The following PRH1 variants were observed in gnomAD, a reference collection of about 807,000 sequenced individuals.
PRH1 encodes the protein salivary acidic proline-rich phosphoprotein 1/2.
A neutral mutation model predicts 7.9 loss-of-function variants in PRH1; 7 were observed. That is an observed-to-expected ratio of 0.89 (90% CI 0.50 to 1.67). The LOEUF (loss-of-function observed/expected upper bound fraction) is 1.67, where lower values mean the gene tolerates loss of function less well. Ranked by LOEUF, PRH1 falls within the 40% of genes most tolerant of loss-of-function variation. The probability of loss-of-function intolerance (pLI) is 0.00; values close to 1 mark genes in which losing one functional copy is unlikely to be tolerated. For missense variants in PRH1, 109 were observed against 223.6 expected, an observed-to-expected ratio of 0.49 and a Z score of 3.27; for synonymous variants, 45 against 80.8, an observed-to-expected ratio of 0.56 and a Z score of 2.38.
chr12:11,093,709 G>A (rs767012805), intron 1 of PRH1, among the ~76,000 whole-genome samples: 1 of 114,924 alleles, frequency 8.7e-6, no homozygotes, highest in Admixed American at 8.8e-5. Context: ...CCTTACCCCT[G>A]AACTTGGAAT....
intron 1 of PRH1, chr12:11,133,157 A>T: frequency 8.6e-7 from 1 of 1,156,638 alleles, no homozygotes; most frequent in Non-Finnish European, 1.2e-6. Context: ...ATATATATGT[A>T]CTTTTCTAGA....
At chr12:11,068,358 GA>G (rs1467320465) in intron 1 of PRH1, among the ~76,000 whole-genome samples, 1 of 152,092 alleles carries the variant, frequency 6.6e-6, no homozygotes, top group South Asian at 2.1e-4. Context: ...TTTCCATCTT[GA>G]TAATTCCTCT....
intron 1 of PRH1, among the ~76,000 whole-genome samples, chr12:11,001,325 CTTTT>C (rs913783457): frequency 1.3e-5 from 2 of 152,074 alleles, no homozygotes; most frequent in Non-Finnish European, 1.5e-5. Context: ...AAATTTTACT[CTTTT>C]TTTATTAGCA....
chr12:11,141,017 C>T (rs753030292), intron 1 of PRH1, among the ~76,000 whole-genome samples: 1 of 151,906 alleles, frequency 6.6e-6, no homozygotes, highest in Non-Finnish European at 1.5e-5. Flanking sequence ...ACTTGTATAA[C>T]TTATTGTTAA....
chr12:10,962,725 G>C (rs780860569), intron 2 of PRH1, among the ~76,000 whole-genome samples: 2 of 152,096 alleles, frequency 1.3e-5, no homozygotes, highest in Non-Finnish European at 2.9e-5. Context: ...GATCTTTTAG[G>C]TCCTGGCAGT....
intron 1 of PRH1, among the ~76,000 whole-genome samples, chr12:11,096,646 T>G (rs1945075035): frequency 8.6e-6 from 1 of 115,616 alleles, no homozygotes; most frequent in Non-Finnish European, 2.0e-5. Context: ...GTAGCTTATC[T>G]GTTGCTGGGT....
chr12:10,950,193 T>C (rs1315776166), intron 2 of PRH1, among the ~76,000 whole-genome samples: 3 of 152,142 alleles, frequency 2.0e-5, no homozygotes, highest in East Asian at 1.9e-4. Flanking sequence ...ACTTGAGCTA[T>C]TAAAACACAG....
intron 1 of PRH1, chr12:11,134,116 AAAG>A (rs1276724271): frequency 6.2e-7 from 1 of 1,614,050 alleles, no homozygotes; most frequent in African/African-American, 1.3e-5. Context: ...TTTGGTCAAC[AAAG>A]GAGATCTTTT....
At chr12:11,149,127 G>C (rs554253090) in intron 1 of PRH1, among the ~76,000 whole-genome samples, 9 of 151,912 alleles carry the variant, frequency 5.9e-5, no homozygotes, top group African/African-American at 2.2e-4. Flanking sequence ...GGGATCGGTG[G>C]TGATATCCCC....
intron 1 of PRH1, among the ~76,000 whole-genome samples, chr12:11,065,164 T>G (rs1166173152): frequency 6.6e-6 from 1 of 152,174 alleles, no homozygotes; most frequent in Non-Finnish European, 1.5e-5. Context: ...CATTGAATTC[T>G]AGCTTCATTT....
rs1942067123 is a variant in PRH1, at chr12:11,029,301, C to A, written c.-126+17719G>T. Among the ~76,000 whole-genome samples the A allele has an allele frequency of 4.7e-5, 2 of 42,770 alleles. 1 individual carries two copies. The highest frequency in any genetic ancestry group is 1.9e-3 in the South Asian group (2 of 1,038). The allele number at this position is 42,770 out of a possible 152,430, so 28.1% of individuals were successfully genotyped here. ...ATATGTCAACACCCTTTCATTTCAT[C>A]ATTGATGACAAAATTACAACGTTAA... On this transcript the variant is annotated intron_variant, in intron 1 of 3. Transcript: ENST00000539853.
chr12:11,081,521 G>A (rs1324272464), intron 1 of PRH1, among the ~76,000 whole-genome samples: 1 of 114,662 alleles, frequency 8.7e-6, no homozygotes, highest in Non-Finnish European at 2.1e-5. Flanking sequence ...TAAAAGCTTT[G>A]TTCTGGAATT....
In PRH1 at chr12:11,062,378, T is replaced by C; in HGVS notation, n.124-15190A>G. 2.9e-6 allele frequency: 4 copies of C among 1,383,734 alleles called. No individual in the cohort carries two copies. The South Asian group carries it at 6.1e-5, about 21-fold the overall frequency. 85.7% of individuals were successfully genotyped at this position (1,383,734 alleles called of 1,614,324 possible). On this transcript the variant is annotated intron_variant and non_coding_transcript_variant, in intron 1 of 4. Transcript: ENST00000541977. ...GCTTGAATATCCTGACCTTAAATTC[T>C]ATATGCACCTGATTTGTGTATGTGC... is the stretch of plus-strand genomic sequence containing the variant.
chr12:11,088,201 C>CAA (rs1484933321), intron 1 of PRH1, among the ~76,000 whole-genome samples: 8 of 129,028 alleles, frequency 6.2e-5, no homozygotes, highest in Non-Finnish European at 1.1e-4. Flanking sequence ...ATTAGCCAGG[C>CAA]GTGATGTTGT....
intron 1 of PRH1, among the ~76,000 whole-genome samples, chr12:11,014,884 C>T (rs1208989463): frequency 2.0e-5 from 3 of 152,054 alleles, no homozygotes; most frequent in African/African-American, 7.2e-5. Flanking sequence ...AAGGCTCTCA[C>T]CACCCACCAG....
Position 11,165,787 on chromosome 12 carries a change from T to C in PRH1, n.39+5635A>G, listed in dbSNP as rs79527319. Among the ~76,000 whole-genome samples, 622 of 152,380 alleles carry C rather than the reference T, an allele frequency of 4.1e-3. 6 individuals are homozygous for C. The highest frequency in any genetic ancestry group is 0.014 in the African/African-American group (562 of 41,590). ...GATTCAAATGGCTCCAGTGGTGGAA[T>C]GCCAGTAACTTGTGTTTTGGGGAAG... On this transcript the variant is annotated intron_variant and non_coding_transcript_variant, in intron 1 of 1. Coordinates refer to the PRH1 transcript ENST00000541175.
chr12:11,061,637 T>G (rs1943608329), intron 1 of PRH1: 1 of 1,614,024 alleles, frequency 6.2e-7, no homozygotes, highest in African/African-American at 1.3e-5. Context: ...ACCTTCATGC[T>G]GGGATCTTGA....
intron 2 of PRH1, among the ~76,000 whole-genome samples, chr12:10,897,785 A>C (rs1379714640): frequency 6.6e-6 from 1 of 152,124 alleles, no homozygotes; most frequent in African/African-American, 2.4e-5. Flanking sequence ...CCACACCACC[A>C]CCAAGGGGGA....
At chr12:10,910,718 A>G (rs566562134) in intron 2 of PRH1, among the ~76,000 whole-genome samples, 2 of 152,330 alleles carry the variant, frequency 1.3e-5, no homozygotes, top group East Asian at 3.9e-4. Flanking sequence ...TGGAGACTCA[A>G]GAAAGATTGT....
Sources: gnomAD v4.1 joint callset for allele counts (sites outside exome capture counted in the v4.1 genomes callset) on GRCh38, gnomAD v4.1.1 for gene constraint, MANE v1.5 for transcripts, NCBI Gene and HGNC (gene_info 2026-07-23, HGNC 2026-07-21) for gene names.